CCDC136: variants seen among roughly 807,000 people sequenced by gnomAD.
The protein encoded by CCDC136 is coiled-coil domain-containing protein 136.
CCDC136 carries 100 observed loss-of-function variants against 141.2 expected under a neutral mutation model. The observed-to-expected ratio is 0.71, with a 90% CI of 0.60 to 0.84. The LOEUF (loss-of-function observed/expected upper bound fraction) is 0.84. CCDC136 is among the 40% of genes least tolerant of loss of function. The pLI is 0.00. For synonymous variants in CCDC136, 474 were observed against 531.9 expected (o/e 0.89, Z 1.50); for missense variants, 1,206 against 1,379.4 (o/e 0.87, Z 1.99).
chr7:128,794,483 T>A lies in CCDC136; in HGVS notation c.152T>A (p.Leu51Gln). 6.4e-7 allele frequency: 1 copy of A among 1,552,252 alleles called. No homozygotes were observed. Among genetic ancestry groups the A allele is most frequent in the Admixed American group, 2.0e-5 (1 of 51,018 alleles). Reference protein sequence around the residue: ...GSLSVNKHRGLSLTETELEEL... With the variant: ...GSLSVNKHRGQSLTETELEEL... Reference sequence around the variant, plus strand: ...CTGTCAGTCAACAAGCACCGGGGACTGAGCCTCACGGAGACAGAGCTGGAG... The same window carrying A: ...CTGTCAGTCAACAAGCACCGGGGACAGAGCCTCACGGAGACAGAGCTGGAG... Residue 51 changes from leucine (L) to glutamine (Q), a missense_variant, in exon 2 of 18, where the codon CTG becomes CAG. By Grantham distance (113) the Leu-to-Gln change is moderately radical. Coordinates refer to ENST00000297788, the MANE Select transcript of CCDC136 (RefSeq NM_022742.5). The surrounding 1 kb of genome is among the most constrained non-coding windows in gnomAD (Gnocchi z 4.3).
In CCDC136 at chr7:128,794,205, G is replaced by A; in HGVS notation, c.17-143G>A. 3.6e-6 allele frequency: 4 copies of A among 1,101,874 alleles called. No homozygotes were observed. The South Asian group carries it at 4.0e-5, about 11-fold the overall frequency. The allele number at this position is 1,101,874 out of a possible 1,614,324, so 68.3% of individuals were successfully genotyped here. A position where few individuals can be genotyped will look rare whatever the true frequency, so the allele number is the denominator to read the frequency against. On this transcript the variant is annotated intron_variant, in intron 1 of 17. Transcript: ENST00000297788. The surrounding 1 kb of genome is among the most constrained non-coding windows in gnomAD (Gnocchi z 4.3). ...CACCTGAGGACTCATCTTGAGTACAGGTCTTGCCCCGGGGCTCCTTGGGGG... is the reference window on the plus strand; with the variant it reads ...CACCTGAGGACTCATCTTGAGTACAAGTCTTGCCCCGGGGCTCCTTGGGGG...
intron 3 of CCDC136, among the ~76,000 whole-genome samples, chr7:128,796,739 A>ATATATATATATATATTTTTTTT: frequency 4.4e-5 from 5 of 113,368 alleles, no homozygotes; most frequent in Non-Finnish European, 6.7e-5. Flanking sequence ...ATATATATAT[A>ATATATATATATATATTTTTTTT]TTCTTTTTTT....
intron 12 of CCDC136, among the ~76,000 whole-genome samples, chr7:128,810,940 A>G (rs943479556): frequency 2.0e-5 from 3 of 152,176 alleles, no homozygotes; most frequent in African/African-American, 7.2e-5. Flanking sequence ...CAGGGGTTAG[A>G]CCAGAAAATT....
In CCDC136 at chr7:128,801,169, A is replaced by C. The variant is rs755510365; in HGVS notation, c.347-17A>C. On this transcript the variant is annotated splice_polypyrimidine_tract_variant and intron_variant, in intron 3 of 17. Transcript: ENST00000297788. ...TTCACCTGCCCTCTTGATCATCTCA[A>C]CCTTTGGACTTTGCAGGTGAGCTGC... The C allele has an allele frequency of 6.3e-7, 1 of 1,597,066 alleles. No individual in the cohort carries two copies. The highest frequency in any genetic ancestry group is 1.1e-5 in the South Asian group (1 of 89,960).
chr7:128,792,810 T>C (rs1339183950), intron 1 of CCDC136, among the ~76,000 whole-genome samples: 1 of 152,232 alleles, frequency 6.6e-6, no homozygotes, highest in Non-Finnish European at 1.5e-5. Flanking sequence ...ATGTGAATTG[T>C]CTTTCTGGGG....
chr7:128,801,192 T>G lies in CCDC136; in HGVS notation c.353T>G (p.Leu118Arg). ...CAACCTTTGGACTTTGCAGGTGAGC[T>G]GCGTTCTCTACGGGAGGAGATTTCC... ...TKQIQQLQGE[L>R]RSLREEISLL... The change falls in exon 4 of 18, where the codon CTG becomes CGG. Residue 118 changes from leucine (L) to arginine (R), a missense_variant. Leu to Arg is a moderately radical substitution (Grantham distance 102). Transcript: ENST00000297788. 1.2e-6 allele frequency: 2 copies of G among 1,610,874 alleles called. No homozygotes were observed. The highest frequency in any genetic ancestry group is 1.7e-6 in the Non-Finnish European group (2 of 1,177,278).
Position 128,794,708 on chromosome 7 carries a change from G to T in CCDC136, c.286G>T (p.Glu96Ter). Residue 96 changes from glutamate (E) to a stop codon, truncating the protein, a stop_gained, in exon 3 of 18, where the codon GAA (glutamate) becomes TAA (stop). Coordinates refer to ENST00000297788, the MANE Select transcript of CCDC136 (RefSeq NM_022742.5). LOFTEE classifies it high-confidence loss of function. The surrounding 1 kb of genome is among the most constrained non-coding windows in gnomAD (Gnocchi z 4.3). ...SLELQGLLED[E>*]RLASAQQAEV... The stretch of plus-strand genomic sequence containing the variant: ...TCTCCCTGCAGGGCTCCTGGAGGAT[G>T]AACGGCTAGCCAGCGCCCAGCAGGC... The T allele has an allele frequency of 1.3e-6, 2 of 1,551,676 alleles. No individual in the cohort carries two copies. The highest frequency in any genetic ancestry group is 2.4e-5 in the South Asian group (2 of 84,048).
chr7:128,791,351 C>T, upstream of CCDC136: 1 of 459,338 alleles, frequency 2.2e-6, no homozygotes, highest in Non-Finnish European at 3.4e-6. The surrounding 1 kb of genome is among the most constrained non-coding windows in gnomAD (Gnocchi z 7.1). Flanking sequence ...CGGCGGCGAG[C>T]GGCGGGGGGC....
At chr7:128,816,312 C>T (rs1806625411) in intron 16 of CCDC136, among the ~76,000 whole-genome samples, 1 of 152,232 alleles carries the variant, frequency 6.6e-6, no homozygotes, top group Admixed American at 6.5e-5. Context: ...CAGGCCATTT[C>T]TGTCGGTCTG....
chr7:128,809,536 G>A lies in CCDC136; in HGVS notation c.1692G>A (p.Gln564=). The A allele has an allele frequency of 6.4e-7, 1 of 1,558,738 alleles. No homozygotes were observed. Among genetic ancestry groups the A allele is most frequent in the Admixed American group, 1.9e-5 (1 of 51,898 alleles). Residue 564 remains glutamine, a synonymous_variant, in exon 11 of 18, where the codon CAG becomes CAA. Transcript: ENST00000297788. ...QKEMGQLQME[Q]CELLEDQRRM... Reference sequence around the variant, plus strand: ...AGATGGGGCAGCTGCAGATGGAGCAGTGTGAGCTCCTGGAGGATCAGAGGA... The same window carrying A: ...AGATGGGGCAGCTGCAGATGGAGCAATGTGAGCTCCTGGAGGATCAGAGGA...
chr7:128,805,772 G>C lies in CCDC136; in HGVS notation c.960G>C (p.Leu320Phe), dbSNP rs1465970188. 5 of 1,612,286 alleles carry C rather than the reference G, an allele frequency of 3.1e-6. No individual in the cohort carries two copies. In the South Asian group the frequency reaches 5.5e-5, roughly 18 times the overall value. ...MHGMKNKCQE[L>F]CCELEELQHH... ...CATTTCCCACATAGTGTCAGGAATT[G>C]TGTTGTGAGTTGGAAGAGCTACAGC... Residue 320 changes from leucine to phenylalanine, a missense_variant, in exon 7 of 18, where the codon TTG (leucine) becomes TTC (phenylalanine). Physicochemically the swap from Leu to Phe is conservative, Grantham distance 22. Transcript: ENST00000297788. This position sits in a 1 kb window ranked among gnomAD's most constrained non-coding sequence, Gnocchi z 4.6.
At chr7:128,820,833 GA>G (rs1282623871) in intron 17 of CCDC136, among the ~76,000 whole-genome samples, 1 of 152,134 alleles carries the variant, frequency 6.6e-6, no homozygotes, top group Non-Finnish European at 1.5e-5. Context: ...ATAAGCTCAG[GA>G]GATTTTCTTT....
chr7:128,810,391 A>T, intron 12 of CCDC136, 25 bp downstream of exon 12: 1 of 1,530,302 alleles, frequency 6.5e-7, no homozygotes. Context: ...AGGTAGGGAG[A>T]CAGTTCTCCT....
rs1806824157 is a variant in CCDC136 at position 128,817,560 on chromosome 7, A to G, written c.3364-198A>G. Among the ~76,000 whole-genome samples, 1 of 152,322 alleles carries G rather than the reference A, an allele frequency of 6.6e-6. No individual in the cohort carries two copies. Among genetic ancestry groups the G allele is most frequent in the East Asian group, 1.9e-4 (1 of 5,174 alleles). ...ACCCATTCAATTTTGCAATTCCTGC[A>G]GACTGCCGGTGGAAAGAACCAAGGC... On this transcript the variant is annotated intron_variant, in intron 16 of 17. Transcript: ENST00000297788. The surrounding 1 kb of genome is among the most constrained non-coding windows in gnomAD (Gnocchi z 4.6).
chr7:128,811,732 A>G (rs1255840970), intron 12 of CCDC136, 68 bp from the exon 13 acceptor site: 20 of 1,396,080 alleles, frequency 1.4e-5, no homozygotes, highest in Non-Finnish European at 1.7e-5. Context: ...CATCTGTACC[A>G]GGAGAGGTGC....
chr7:128,795,281 C>T (rs1365837454), intron 3 of CCDC136, among the ~76,000 whole-genome samples: 2 of 152,024 alleles, frequency 1.3e-5, no homozygotes, highest in Non-Finnish European at 2.9e-5. Context: ...AGCTTGTGGG[C>T]CCCAAATCCC....
At chr7:128,796,739 A>ATATATATATATTTTT in intron 3 of CCDC136, among the ~76,000 whole-genome samples, 2 of 113,372 alleles carry the variant, frequency 1.8e-5, no homozygotes, top group East Asian at 3.6e-4. Context: ...ATATATATAT[A>ATATATATATATTTTT]TTCTTTTTTT....
Position 128,801,330 on chromosome 7 carries a change from A to T in CCDC136, c.491A>T (p.His164Leu), listed in dbSNP as rs753259116. The change falls in exon 4 of 18, where the codon CAT becomes CTT. Residue 164 changes from histidine to leucine, a missense_variant. His to Leu is a moderately conservative substitution (Grantham distance 99). Coordinates refer to ENST00000297788, the MANE Select transcript of CCDC136 (RefSeq NM_022742.5). ...GCAGCAGAGGATTCCGCAACTGAAC[A>T]TGAGAGTGACATAGCATCCCTGCAG... The part of the protein sequence containing the change: ...RQAAEDSATE[H>L]ESDIASLQED... The T allele has an allele frequency of 6.2e-7, 1 of 1,613,756 alleles. No individual in the cohort carries two copies. The highest frequency in any genetic ancestry group is 8.5e-7 in the Non-Finnish European group (1 of 1,179,842).
At chr7:128,797,487 A>T (rs1187831664) in intron 3 of CCDC136, among the ~76,000 whole-genome samples, 3 of 152,186 alleles carry the variant, frequency 2.0e-5, no homozygotes. Flanking sequence ...GTAAAGTGAG[A>T]GGAACTCCTG....
Sources: allele counts gnomAD v4.1 joint callset (sites outside exome capture counted in the v4.1 genomes callset), GRCh38; gene constraint gnomAD v4.1.1; non-coding constraint Gnocchi (gnomAD v3.1); transcripts MANE v1.5; gene names NCBI Gene and HGNC (gene_info 2026-07-23, HGNC 2026-07-21).